TRAFD1: variants seen among roughly 807,000 people sequenced by gnomAD.
TRAFD1 encodes TRAF-type zinc finger domain containing 1, also known as TRAF-type zinc finger domain-containing protein 1.
TRAFD1 carries 38 observed loss-of-function variants against 65.3 expected under a neutral mutation model. The observed-to-expected ratio is 0.58, with a 90% CI of 0.45 to 0.76. TRAFD1 has a LOEUF of 0.76. Among genes scored for constraint, TRAFD1 ranks in the 30% least tolerant of loss-of-function variants. The probability of loss-of-function intolerance (pLI) is 0.00; values close to 1 mark genes in which losing one functional copy is unlikely to be tolerated. For synonymous variants in TRAFD1, 223 were observed against 257.2 expected, an observed-to-expected ratio of 0.87 and a Z score of 1.27; for missense variants, 631 against 712.6, an observed-to-expected ratio of 0.89 and a Z score of 1.30.
intron 9 of TRAFD1, among the ~76,000 whole-genome samples, chr12:112,150,526 T>A (rs1314213392): frequency 6.6e-6 from 1 of 152,122 alleles, no homozygotes. Flanking sequence ...TGGGGTTACA[T>A]GCGTAGGCCA....
Position 112,152,052 on chromosome 12 carries a change from G to C in TRAFD1, c.1531G>C (p.Val511Leu). The C allele has an allele frequency of 1.2e-6, 2 of 1,614,246 alleles. No individual in the cohort carries two copies. Among genetic ancestry groups the C allele is most frequent in the Non-Finnish European group, 1.7e-6 (2 of 1,180,050 alleles). ...SQNGAIAPGH[V>L]SVIRPPQNLY... Reference sequence around the variant, plus strand: ...GAATGGGGCCATAGCCCCTGGGCACGTTTCAGTGATTCGCCCTCCTCAAAA... The same window carrying C: ...GAATGGGGCCATAGCCCCTGGGCACCTTTCAGTGATTCGCCCTCCTCAAAA... Residue 511 changes from valine to leucine, a missense_variant, in exon 10 of 12, where the codon GTT becomes CTT. Val to Leu is a conservative substitution (Grantham distance 32). Coordinates refer to ENST00000412615, the MANE Select transcript of TRAFD1 (RefSeq NM_006700.3). This position sits in a 1 kb window ranked among gnomAD's most constrained non-coding sequence, Gnocchi z 5.0.
intron 6 of TRAFD1, 64 bp downstream of exon 6, chr12:112,142,359 A>G: frequency 2.7e-6 from 4 of 1,485,410 alleles, no homozygotes; most frequent in Non-Finnish European, 3.7e-6. Flanking sequence ...AGGTTATACA[A>G]TTCTTATACA....
chr12:112,152,070 C>A lies in TRAFD1; in HGVS notation c.1549C>A (p.Pro517Thr), dbSNP rs2030425849. ...APGHVSVIRP[P>T]QNLYPENIVP... ...TGGGCACGTTTCAGTGATTCGCCCT[C>A]CTCAAAATCTCTACCCAGAAAACAT... Residue 517 changes from proline to threonine, a missense_variant, in exon 10 of 12, where the codon CCT becomes ACT. Transcript: ENST00000412615. This position sits in a 1 kb window ranked among gnomAD's most constrained non-coding sequence, Gnocchi z 5.0. 1 of 1,614,082 alleles carries A rather than the reference C, an allele frequency of 6.2e-7. No individual in the cohort carries two copies. Among genetic ancestry groups the A allele is most frequent in the African/African-American group, 1.3e-5 (1 of 74,940 alleles).
In TRAFD1 at chr12:112,146,987, GTTTTTTTTTTTTTTTTTT is replaced by G. The variant is rs547077120; in HGVS notation, c.928-1074_928-1057del. Among the ~76,000 whole-genome samples, 5 of 52,512 alleles carry G rather than the reference GTTTTTTTTTTTTTTTTTT, an allele frequency of 9.5e-5. No homozygotes were observed. The East Asian group carries it at 1.5e-3, about 16-fold the overall frequency. 34.4% of individuals were successfully genotyped at this position (52,512 alleles called of 152,430 possible). ...GGATTACCTGATGGAGGGAACTTCT[GTTTTTTTTTTTTTTTTTT>G]TTTTTTTTTTTTGAGATGGAGTCTC... is the stretch of plus-strand genomic sequence containing the variant. On this transcript the variant is annotated intron_variant, in intron 7 of 11. Coordinates refer to ENST00000412615, the MANE Select transcript of TRAFD1 (RefSeq NM_006700.3).
In TRAFD1 at chr12:112,142,139, G is replaced by C; in HGVS notation, c.694G>C (p.Glu232Gln). ...GAATAGAGGCCAACAGCCCCCCAAA[G>C]AGGGTGGTGAAGAGAGTGCAAACTT... ...ERNRGQQPPK[E>Q]GGEESANLDF... The change falls in exon 6 of 12, where the codon GAG becomes CAG. Residue 232 changes from glutamate (E) to glutamine (Q), a missense_variant. Physicochemically the swap from Glu to Gln is conservative, Grantham distance 29. Coordinates refer to ENST00000412615, the MANE Select transcript of TRAFD1 (RefSeq NM_006700.3). The C allele has an allele frequency of 6.2e-7, 1 of 1,613,980 alleles. No individual in the cohort carries two copies. The highest frequency in any genetic ancestry group is 8.5e-7 in the Non-Finnish European group (1 of 1,179,990).
At chr12:112,146,373 AG>A (rs529028173) in intron 7 of TRAFD1, among the ~76,000 whole-genome samples, 10 of 151,094 alleles carry the variant, frequency 6.6e-5, no homozygotes, top group East Asian at 1.9e-4. Context: ...CCAAAAAAAA[AG>A]GGGGGGGCAG....
intron 7 of TRAFD1, 22 bp downstream of exon 7, chr12:112,145,684 G>T: frequency 1.9e-6 from 3 of 1,611,412 alleles, no homozygotes; most frequent in Non-Finnish European, 2.5e-6. Context: ...ATTACTTGAG[G>T]ACTTTTAGTA....
intron 7 of TRAFD1, among the ~76,000 whole-genome samples, chr12:112,146,540 AT>A (rs2136979682): frequency 1.3e-5 from 2 of 152,260 alleles, no homozygotes; most frequent in South Asian, 4.1e-4. Flanking sequence ...AAGTCCTTGC[AT>A]TTTTCTAGAA....
intron 4 of TRAFD1, among the ~76,000 whole-genome samples, chr12:112,139,616 T>G (rs1593867364): frequency 6.6e-6 from 1 of 151,510 alleles, no homozygotes; most frequent in African/African-American, 2.4e-5. Flanking sequence ...TAGAGTGGGG[T>G]TTCACCATGT....
At chr12:112,142,031 G>T (rs748526412) in intron 5 of TRAFD1, 58 bp from the exon 6 acceptor site, 1 of 1,581,704 alleles carries the variant, frequency 6.3e-7, no homozygotes, top group South Asian at 1.1e-5. Context: ...ATGGACTTGA[G>T]TTGAGGGTGG....
rs1357637989 is a variant in TRAFD1 at position 112,141,082 on chromosome 12, A to G, written c.501A>G (p.Gln167=). Reference sequence around the variant, plus strand: ...AGGATGGAATCTGGATTGCATCCCAACTCCTCAGACAAATTGAGGCTCTGG... The same window carrying G: ...AGGATGGAATCTGGATTGCATCCCAGCTCCTCAGACAAATTGAGGCTCTGG... ...WGQDGIWIAS[Q]LLRQIEALDP... is the part of the protein sequence containing the mutation. The change falls in exon 5 of 12, where the codon CAA becomes CAG. Residue 167 remains glutamine, a synonymous_variant. Transcript: ENST00000412615. 1.9e-6 allele frequency: 3 copies of G among 1,614,164 alleles called. No individual in the cohort carries two copies. The highest frequency in any genetic ancestry group is 1.7e-5 in the Admixed American group (1 of 60,008).
In TRAFD1 at chr12:112,148,298, T is replaced by C. The variant is rs375965745; in HGVS notation, c.1152T>C (p.His384=). 12 of 1,613,766 alleles carry C rather than the reference T, an allele frequency of 7.4e-6. No homozygotes were observed. Among genetic ancestry groups the C allele is most frequent in the Non-Finnish European group, 8.5e-6 (10 of 1,179,818 alleles). Residue 384 remains histidine, a synonymous_variant, in exon 8 of 12, where the codon CAT becomes CAC. Coordinates refer to ENST00000412615, the MANE Select transcript of TRAFD1 (RefSeq NM_006700.3). Reference sequence around the variant, plus strand: ...AGCTGGAAGAGGAGGTGCTGTTCCATCACCAGGTAAGGGTCCCTGGAGTCC... The same window carrying C: ...AGCTGGAAGAGGAGGTGCTGTTCCACCACCAGGTAAGGGTCCCTGGAGTCC... ...GVQLEEEVLF[H]HQDQCDQRPA...
In TRAFD1 at chr12:112,146,465, T is replaced by C. The variant is rs556747112; in HGVS notation, c.927+803T>C. ...TGGTAGTGACTGGTGCACATATATC[T>C]CCACTATCCGTTTTGTGATCTGGTC... On this transcript the variant is annotated intron_variant, in intron 7 of 11. Transcript: ENST00000412615. Among the ~76,000 whole-genome samples the C allele has an allele frequency of 3.3e-4, 50 of 152,308 alleles. 1 individual carries two copies. The highest frequency in any genetic ancestry group is 1.2e-3 in the African/African-American group (48 of 41,580).
rs918148286 is a variant in TRAFD1 at position 112,130,162 on chromosome 12, G to A, written c.-12-349G>A. ...TTTTTGTATTTTTTGTAGACATGAC[G>A]TTACCCCATGTTGTGGCCAGGTTGG... On this transcript the variant is annotated intron_variant, in intron 1 of 11. Coordinates refer to ENST00000412615, the MANE Select transcript of TRAFD1 (RefSeq NM_006700.3). This position sits in a 1 kb window ranked among gnomAD's most constrained non-coding sequence, Gnocchi z 4.4. Among the ~76,000 whole-genome samples, 1 of 148,550 alleles carries A rather than the reference G, an allele frequency of 6.7e-6. No individual in the cohort carries two copies. Among genetic ancestry groups the A allele is most frequent in the African/African-American group, 2.5e-5 (1 of 39,986 alleles).
At chr12:112,138,620 G>T (rs2136973884) in intron 4 of TRAFD1, among the ~76,000 whole-genome samples, 1 of 152,032 alleles carries the variant, frequency 6.6e-6, no homozygotes, top group African/African-American at 2.4e-5. Flanking sequence ...CACTTCGGGA[G>T]GCTGAGGCAG....
chr12:112,150,298 G>A (rs985176064), intron 9 of TRAFD1, among the ~76,000 whole-genome samples: 15 of 152,010 alleles, frequency 9.9e-5, no homozygotes, highest in Non-Finnish European at 5.9e-5. Flanking sequence ...CACCCAGGCT[G>A]GAGTACAGTG....
intron 1 of TRAFD1, among the ~76,000 whole-genome samples, chr12:112,129,339 C>T (rs1331900735): frequency 2.0e-5 from 3 of 151,478 alleles, no homozygotes; most frequent in African/African-American, 7.3e-5. Flanking sequence ...GTAGTTGGGA[C>T]CACAGGTGTG....
At chr12:112,128,985 C>T (rs929622620) in intron 1 of TRAFD1, among the ~76,000 whole-genome samples, 3 of 146,238 alleles carry the variant, frequency 2.1e-5, no homozygotes, top group African/African-American at 7.7e-5. Context: ...GAGCCGAGAT[C>T]GCACCACTGC....
At chr12:112,129,716 C>T (rs1375968046) in intron 1 of TRAFD1, among the ~76,000 whole-genome samples, 1 of 152,072 alleles carries the variant, frequency 6.6e-6, no homozygotes, top group East Asian at 1.9e-4. Flanking sequence ...GATCTTGGCT[C>T]ACTGCAACTT....
Sources: gnomAD v4.1 joint callset for allele counts (sites outside exome capture counted in the v4.1 genomes callset) on GRCh38, gnomAD v4.1.1 for gene constraint, Gnocchi (gnomAD v3.1) non-coding constraint, MANE v1.5 for transcripts, NCBI Gene and HGNC (gene_info 2026-07-23, HGNC 2026-07-21) for gene names.